The following OSBPL2 variants were observed in gnomAD, a reference collection of about 807,000 sequenced individuals.
The protein encoded by OSBPL2 is oxysterol binding protein like 2.
OSBPL2 carries 18 observed loss-of-function variants against 58.4 expected under a neutral mutation model. The ratio of observed to expected loss-of-function variants is 0.31; its 90% CI spans 0.21 to 0.46. OSBPL2 has a LOEUF of 0.46. Among genes scored for constraint, OSBPL2 ranks in the 20% least tolerant of loss-of-function variants. OSBPL2 has a pLI of 1.00. For synonymous variants in OSBPL2, 221 were observed against 234.1 expected (o/e 0.94, Z 0.51); for missense variants, 461 against 616.5 (o/e 0.75, Z 2.67).
chr20:62,285,229 T>G (rs923100763), intron 10 of OSBPL2: 2 of 152,272 alleles, frequency 1.3e-5, no homozygotes, highest in Non-Finnish European at 2.9e-5. Flanking sequence ...AAAATTCTGC[T>G]TACACACTAG....
At chr20:62,241,609 G>C (rs6143002) in intron 1 of OSBPL2, among the ~76,000 whole-genome samples, 1 of 152,270 alleles carries the variant, frequency 6.6e-6, no homozygotes, top group Non-Finnish European at 1.5e-5. Context: ...TCTTTGCGAA[G>C]GTGGTGCGCC....
At position 62,293,867 on chromosome 20, in the gene OSBPL2, G is replaced by T; in HGVS notation, c.1423G>T (p.Asp475Tyr). Residue 475 changes from aspartate to tyrosine, a missense_variant, in exon 14 of 14, where the codon GAC becomes TAC. By Grantham distance (160) the Asp-to-Tyr change is radical. Coordinates refer to ENST00000313733, the MANE Select transcript of OSBPL2 (RefSeq NM_144498.4). ...AGDYFERNFSDCPDIY is the reference protein window; with the variant it reads ...AGDYFERNFSYCPDIY ...GGATTACTTTGAGCGGAATTTCTCCGACTGCCCAGATATCTACTGAGGGCC... is the reference window on the plus strand; with the variant it reads ...GGATTACTTTGAGCGGAATTTCTCCTACTGCCCAGATATCTACTGAGGGCC... 2 of 1,613,948 alleles carry T rather than the reference G, an allele frequency of 1.2e-6. No individual in the cohort carries two copies.
intron 3 of OSBPL2, among the ~76,000 whole-genome samples, chr20:62,263,087 G>A (rs1249186422): frequency 6.6e-6 from 1 of 152,194 alleles, no homozygotes; most frequent in Admixed American, 6.5e-5. Context: ...CAGTGGTGGG[G>A]GTGAGGGTCT....
At chr20:62,280,069 C>A in intron 7 of OSBPL2, 1 of 1,304,328 alleles carries the variant, frequency 7.7e-7, no homozygotes, top group Non-Finnish European at 1.0e-6. Context: ...GCCGCTAAGA[C>A]CCGACAGACA....
intron 2 of OSBPL2, among the ~76,000 whole-genome samples, chr20:62,257,036 A>C (rs573990171): frequency 1.3e-5 from 2 of 152,272 alleles, no homozygotes; most frequent in Non-Finnish European, 2.9e-5. Context: ...CGGGATCAGA[A>C]AGGAGTGGCT....
At position 62,273,417 on chromosome 20, in the gene OSBPL2, A is replaced by C; in HGVS notation, c.491+11A>C. On this transcript the variant is annotated intron_variant, in intron 6 of 13. Coordinates refer to ENST00000313733, the MANE Select transcript of OSBPL2 (RefSeq NM_144498.4). ...GTATGAATTAATCAGGTAAGGGGGG[A>C]AAGGCCCATCATAAATATCTTGTAA... is the stretch of plus-strand genomic sequence containing the variant. The C allele has an allele frequency of 6.4e-7, 1 of 1,561,936 alleles. No individual in the cohort carries two copies. The highest frequency in any genetic ancestry group is 8.8e-7 in the Non-Finnish European group (1 of 1,142,804).
intron 6 of OSBPL2, among the ~76,000 whole-genome samples, chr20:62,277,469 G>C (rs919368658): frequency 2.0e-5 from 3 of 152,218 alleles, no homozygotes; most frequent in East Asian, 1.9e-4. Context: ...CACGTCGTCT[G>C]TCATGAGTTC....
At chr20:62,270,980 T>C (rs1383346071) in intron 4 of OSBPL2, among the ~76,000 whole-genome samples, 1 of 140,702 alleles carries the variant, frequency 7.1e-6, no homozygotes, top group Non-Finnish European at 1.5e-5. Flanking sequence ...CCTCTCTGGG[T>C]CCTCTCCTTG....
chr20:62,273,392 G>T lies in OSBPL2; in HGVS notation c.477G>T (p.Thr159=). 1 of 1,600,382 alleles carries T rather than the reference G, an allele frequency of 6.2e-7. No individual in the cohort carries two copies. Among genetic ancestry groups the T allele is most frequent in the Non-Finnish European group, 8.5e-7 (1 of 1,175,552 alleles). Residue 159 remains threonine (T), a synonymous_variant, in exon 6 of 14, where the codon ACG becomes ACT. Coordinates refer to ENST00000313733, the MANE Select transcript of OSBPL2 (RefSeq NM_144498.4). ...CATTTAATCCACTCTTGGGAGAAAC[G>T]TATGAATTAATCAGGTAAGGGGGGA... is the stretch of plus-strand genomic sequence containing the variant. ...GKPFNPLLGE[T]YELIREDLGF... is the part of the protein sequence containing the mutation.
At chr20:62,254,089 C>T (rs1014764856) in intron 1 of OSBPL2, among the ~76,000 whole-genome samples, 1 of 152,182 alleles carries the variant, frequency 6.6e-6, no homozygotes, top group African/African-American at 2.4e-5. Context: ...TGAGCCAACA[C>T]GCCCGGCCGA....
At chr20:62,292,882 A>ATTTTTT (rs35975453) in intron 13 of OSBPL2, among the ~76,000 whole-genome samples, 1 of 140,996 alleles carries the variant, frequency 7.1e-6, no homozygotes, top group Admixed American at 7.0e-5. Flanking sequence ...ACCTTTCCTC[A>ATTTTTT]TTTTTTTTTT....
At chr20:62,284,007 T>C (rs1568850047) in intron 9 of OSBPL2, 39 bp from the exon 10 acceptor site, 1 of 1,588,330 alleles carries the variant, frequency 6.3e-7, no homozygotes, top group Non-Finnish European at 8.6e-7. Flanking sequence ...TGGTTTGTAA[T>C]GACTAAGACT....
chr20:62,283,894 A>T, intron 9 of OSBPL2, 152 bp from the exon 10 acceptor site: 1 of 729,206 alleles, frequency 1.4e-6, no homozygotes, highest in Non-Finnish European at 2.2e-6. Context: ...TGGTCCCAGA[A>T]TGCAAATTTT....
intron 3 of OSBPL2, among the ~76,000 whole-genome samples, chr20:62,262,086 C>T (rs1046859332): frequency 1.4e-5 from 2 of 147,936 alleles, no homozygotes; most frequent in South Asian, 2.3e-4. Flanking sequence ...GATCTGGACC[C>T]CCCCCCCACC....
rs929281167 is a variant in OSBPL2, at chr20:62,272,235, G to A, written c.369G>A (p.Gln123=). 1 of 1,613,590 alleles carries A rather than the reference G, an allele frequency of 6.2e-7. No homozygotes were observed. Among genetic ancestry groups the A allele is most frequent in the Non-Finnish European group, 8.5e-7 (1 of 1,179,900 alleles). The stretch of plus-strand genomic sequence containing the variant: ...ACCTCATCCACAGGGCCTCCTGCCA[G>A]CCCCAGCCCCTGGAGAGGATGCAGG... The part of the protein sequence containing the change: ...HVYLIHRASC[Q]PQPLERMQSV... The change falls in exon 5 of 14, where the codon CAG becomes CAA. Residue 123 remains glutamine (Q), a synonymous_variant. Transcript: ENST00000313733.
intron 1 of OSBPL2, among the ~76,000 whole-genome samples, chr20:62,239,263 C>T (rs1043760294): frequency 1.7e-4 from 26 of 152,338 alleles, no homozygotes; most frequent in African/African-American, 6.0e-4. Flanking sequence ...AACTTGCTAC[C>T]TAAAACCTAT....
In OSBPL2 at chr20:62,251,307, G is replaced by A. The variant is rs959322285; in HGVS notation, c.-128-4750G>A. On this transcript the variant is annotated intron_variant, in intron 1 of 13. Coordinates refer to ENST00000313733, the MANE Select transcript of OSBPL2 (RefSeq NM_144498.4). ...CTGACCTCTTGATCCACCCGCCTTG[G>A]CCTCGCAAAGTGCTGGGATTACAGA... Among the ~76,000 whole-genome samples the A allele has an allele frequency of 2.0e-4, 30 of 151,540 alleles. 1 individual carries two copies. The highest frequency in any genetic ancestry group is 1.8e-3 in the Admixed American group (27 of 15,240).
intron 4 of OSBPL2, among the ~76,000 whole-genome samples, chr20:62,266,043 G>T (rs1981637488): frequency 6.6e-6 from 1 of 152,164 alleles, no homozygotes; most frequent in Admixed American, 6.5e-5. Context: ...GATGGCTTGA[G>T]CCCAGGAGTT....
chr20:62,255,652 C>G (rs1329442233), intron 1 of OSBPL2, among the ~76,000 whole-genome samples: 1 of 151,688 alleles, frequency 6.6e-6, no homozygotes, highest in Non-Finnish European at 1.5e-5. Context: ...TATAGGCGTG[C>G]GCCACCACGC....
Sources: gnomAD v4.1 joint callset for allele counts (sites outside exome capture counted in the v4.1 genomes callset) on GRCh38, gnomAD v4.1.1 for gene constraint, MANE v1.5 for transcripts, NCBI Gene and HGNC (gene_info 2026-07-23, HGNC 2026-07-21) for gene names.